The following VAV3 variants were observed in gnomAD, a reference collection of about 807,000 sequenced individuals.
The protein encoded by VAV3 is guanine nucleotide exchange factor VAV3.
VAV3 carries 94 observed loss-of-function variants against 131.2 expected under a neutral mutation model. The observed-to-expected ratio is 0.72, with a 90% CI of 0.61 to 0.85. The LOEUF is 0.85. VAV3 is among the 40% of genes least tolerant of loss of function. The pLI is 0.00. For synonymous variants in VAV3, 349 were observed against 342.0 expected (o/e 1.02, Z -0.22); for missense variants, 939 against 1,002.7 (o/e 0.94, Z 0.86).
chr1:107,918,874 T>C (rs1672754567), intron 1 of VAV3, among the ~76,000 whole-genome samples: 1 of 151,524 alleles, frequency 6.6e-6, no homozygotes, highest in African/African-American at 2.4e-5. Context: ...CCCAGCTAAT[T>C]TTTTGTATTT....
chr1:107,821,214 CATAA>C (rs1444750604), intron 2 of VAV3, among the ~76,000 whole-genome samples: 2 of 152,098 alleles, frequency 1.3e-5, no homozygotes, highest in African/African-American at 4.8e-5. Context: ...TAAGGAAAAA[CATAA>C]ATGTTATAGC....
At chr1:107,669,190 C>T (rs1657609283) in intron 19 of VAV3, 1 of 1,146,642 alleles carries the variant, frequency 8.7e-7, no homozygotes, top group Non-Finnish European at 1.1e-6. Flanking sequence ...TTCCACTCTG[C>T]TCAAAGTCTT....
intron 1 of VAV3, among the ~76,000 whole-genome samples, chr1:107,876,796 A>T (rs535852877): frequency 1.3e-5 from 2 of 152,218 alleles, no homozygotes; most frequent in Admixed American, 6.6e-5. Context: ...GCATTTTATT[A>T]TATGTAAGTT....
intron 2 of VAV3, among the ~76,000 whole-genome samples, chr1:107,838,197 C>T (rs895904050): frequency 5.3e-5 from 8 of 151,966 alleles, no homozygotes; most frequent in East Asian, 3.9e-4. Context: ...AGAATATATT[C>T]GCAAACTATG....
chr1:107,860,044 T>A (rs1441064189), intron 2 of VAV3, among the ~76,000 whole-genome samples: 1 of 152,202 alleles, frequency 6.6e-6, no homozygotes, highest in Non-Finnish European at 1.5e-5. Context: ...CTATCTATAT[T>A]TACTTTTAAA....
At chr1:107,713,433 T>A (rs1660905584) in intron 15 of VAV3, among the ~76,000 whole-genome samples, 2 of 151,746 alleles carry the variant, frequency 1.3e-5, no homozygotes, top group Non-Finnish European at 2.9e-5. Context: ...AAAAGATTAA[T>A]CTCCTTGCAA....
intron 1 of VAV3, among the ~76,000 whole-genome samples, chr1:107,961,136 A>G (rs72985480): frequency 0.11 from 16,946 of 152,130 alleles, 1,770 homozygotes; most frequent in African/African-American, 0.28. Flanking sequence ...TATTCATTTA[A>G]ACAATTCAAA....
At chr1:107,859,977 A>G (rs1669661361) in intron 2 of VAV3, among the ~76,000 whole-genome samples, 1 of 152,234 alleles carries the variant, frequency 6.6e-6, no homozygotes, top group Non-Finnish European at 1.5e-5. Context: ...ATAGAAAAAT[A>G]TCCTTATTTT....
chr1:107,964,550 C>G (rs186061797), intron 1 of VAV3, 116 bp downstream of exon 1: 2 of 1,195,196 alleles, frequency 1.7e-6, no homozygotes, highest in Admixed American at 4.8e-5. Flanking sequence ...AAGCAGAAGG[C>G]TGGGAAGCAG....
chr1:107,626,807 T>A (rs1313061671), intron 20 of VAV3, among the ~76,000 whole-genome samples: 1 of 152,058 alleles, frequency 6.6e-6, no homozygotes, highest in Non-Finnish European at 1.5e-5. Context: ...AAGCAATGAG[T>A]CTTTTGGTGT....
At chr1:107,753,372 G>C (rs1663856884) in intron 12 of VAV3, among the ~76,000 whole-genome samples, 1 of 151,512 alleles carries the variant, frequency 6.6e-6, no homozygotes, top group Non-Finnish European at 1.5e-5. Context: ...TGAAGTTTTG[G>C]AGACGGTCAC....
At chr1:107,577,150 G>A (rs4628527) in intron 25 of VAV3, among the ~76,000 whole-genome samples, 150,355 of 152,356 alleles carry the variant, frequency 0.99, 74,232 homozygotes, top group East Asian at 1. Flanking sequence ...GAAGTCTTAG[G>A]TACCATGCTG....
intron 2 of VAV3, among the ~76,000 whole-genome samples, chr1:107,819,672 T>C (rs1667711173): frequency 6.6e-6 from 1 of 152,152 alleles, no homozygotes; most frequent in Middle Eastern, 3.2e-3. Flanking sequence ...ATTGGGGGAA[T>C]TTATGTAGGA....
At chr1:107,695,601 C>A (rs970150385) in intron 17 of VAV3, among the ~76,000 whole-genome samples, 1 of 152,048 alleles carries the variant, frequency 6.6e-6, no homozygotes, top group Non-Finnish European at 1.5e-5. Flanking sequence ...CAATGCAAGA[C>A]GCATGGGAGG....
chr1:107,606,212 A>G (rs935375636), intron 22 of VAV3, among the ~76,000 whole-genome samples: 2 of 152,162 alleles, frequency 1.3e-5, no homozygotes, highest in African/African-American at 4.8e-5. Flanking sequence ...TATTATTGCA[A>G]TATTCATAGT....
At chr1:107,622,694 C>T (rs1047592006) in intron 20 of VAV3, among the ~76,000 whole-genome samples, 20 of 152,256 alleles carry the variant, frequency 1.3e-4, no homozygotes, top group African/African-American at 4.6e-4. Context: ...AATGTATGCA[C>T]GATGGTGCTG....
intron 2 of VAV3, among the ~76,000 whole-genome samples, chr1:107,842,287 G>A (rs1359119849): frequency 1.3e-5 from 2 of 152,174 alleles, no homozygotes; most frequent in African/African-American, 2.4e-5. Flanking sequence ...AGGGAAGGGA[G>A]TTGCGAGATG....
chr1:107,865,207 G>C (rs1020062953), intron 2 of VAV3, among the ~76,000 whole-genome samples: 1 of 152,174 alleles, frequency 6.6e-6, no homozygotes, highest in African/African-American at 2.4e-5. Context: ...CTGAAGAAAA[G>C]AGCCAATGTA....
chr1:107,897,029 T>C (rs375052354), intron 1 of VAV3, among the ~76,000 whole-genome samples: 29 of 151,730 alleles, frequency 1.9e-4, no homozygotes, highest in East Asian at 1.8e-3. Flanking sequence ...AAATCCACAG[T>C]CCACAATAAG....
Sources: gnomAD v4.1 joint callset for allele counts (sites outside exome capture counted in the v4.1 genomes callset) on GRCh38, gnomAD v4.1.1 for gene constraint, MANE v1.5 for transcripts, NCBI Gene and HGNC (gene_info 2026-07-23, HGNC 2026-07-21) for gene names.